The following PI4KA variants were observed in gnomAD, a reference collection of about 807,000 sequenced individuals.
The protein encoded by PI4KA is phosphatidylinositol 4-kinase alpha.
A neutral mutation model predicts 271.4 loss-of-function variants in PI4KA; 122 were observed. The ratio of observed to expected loss-of-function variants is 0.45; its 90% confidence interval spans 0.39 to 0.52. The LOEUF is 0.52. PI4KA is among the 20% of genes least tolerant of loss of function. PI4KA has a pLI of 0.00. For missense variants in PI4KA, 1,969 were observed against 2,769.1 expected (o/e 0.71, Z 6.48); for synonymous variants, 1,041 against 1,078.8 (o/e 0.96, Z 0.69).
At chr22:20,831,552 A>G (rs1924163192) in intron 3 of PI4KA, among the ~76,000 whole-genome samples, 3 of 152,122 alleles carry the variant, frequency 2.0e-5, no homozygotes, top group Non-Finnish European at 2.9e-5. Context: ...TGAGTGATGG[A>G]GTGAGACTCT....
intron 29 of PI4KA, among the ~76,000 whole-genome samples, chr22:20,746,263 C>G (rs139544534): frequency 4.0e-5 from 6 of 151,788 alleles, no homozygotes; most frequent in Non-Finnish European, 7.4e-5. Flanking sequence ...GGGGTTTCAC[C>G]GTGTTGGCCA....
chr22:20,838,502 G>A, intron 2 of PI4KA, 113 bp downstream of exon 2: 1 of 693,388 alleles, frequency 1.4e-6, no homozygotes, highest in Admixed American at 2.4e-5. Flanking sequence ...CTTTGATTAG[G>A]TTCAAATGTA....
chr22:20,803,129 G>A lies in PI4KA; in HGVS notation c.1591+62C>T. 5.1e-6 allele frequency: 8 copies of A among 1,566,420 alleles called. No homozygotes were observed. The South Asian group carries it at 5.6e-5, about 11-fold the overall frequency. ...AGGTACAGTCATGAAACCTGTGTGA[G>A]GCTCACACACAGTCACAGAGCCCCT... On this transcript the variant is annotated intron_variant, in intron 13 of 54. Transcript: ENST00000255882.
chr22:20,827,637 G>A (rs1027113285), intron 3 of PI4KA, among the ~76,000 whole-genome samples: 2 of 152,034 alleles, frequency 1.3e-5, no homozygotes, highest in African/African-American at 2.4e-5. Context: ...AAATTGCTCT[G>A]GGTAGTATGG....
chr22:20,768,626 G>C (rs1033732144), intron 19 of PI4KA, among the ~76,000 whole-genome samples: 1 of 152,194 alleles, frequency 6.6e-6, no homozygotes, highest in Non-Finnish European at 1.5e-5. Context: ...ATCAAAGGGA[G>C]GGTGCAGGTG....
chr22:20,851,960 T>C (rs1438063454), intron 1 of PI4KA, among the ~76,000 whole-genome samples: 2 of 151,956 alleles, frequency 1.3e-5, no homozygotes, highest in Non-Finnish European at 2.9e-5. Flanking sequence ...CTGTCTCTAC[T>C]AAAAATACAA....
At chr22:20,807,299 T>TG in intron 10 of PI4KA, 63 bp downstream of exon 10, 1 of 1,003,242 alleles carries the variant, frequency 1.0e-6, no homozygotes, top group African/African-American at 1.6e-5. Flanking sequence ...ACCACTAGCA[T>TG]GCGACAGTGG....
intron 10 of PI4KA, among the ~76,000 whole-genome samples, chr22:20,805,635 AT>A (rs200700422): frequency 0.015 from 2,254 of 152,116 alleles, 21 homozygotes; most frequent in Non-Finnish European, 0.024. Flanking sequence ...GATCGAGACC[AT>A]CCTGGCTAAC....
chr22:20,804,924 C>G, intron 11 of PI4KA, 50 bp downstream of exon 11: 2 of 1,463,556 alleles, frequency 1.4e-6, no homozygotes, highest in Non-Finnish European at 1.9e-6. Flanking sequence ...GCAAGAAAGC[C>G]TCTGGGTCAT....
intron 30 of PI4KA, among the ~76,000 whole-genome samples, chr22:20,743,193 T>C (rs1929667407): frequency 2.6e-5 from 4 of 152,224 alleles, no homozygotes; most frequent in African/African-American, 9.6e-5. Flanking sequence ...ATGCTCAGGT[T>C]GGAGTGCAGT....
chr22:20,803,679 C>T (rs531264287), intron 12 of PI4KA, among the ~76,000 whole-genome samples: 1 of 152,284 alleles, frequency 6.6e-6, no homozygotes, highest in Admixed American at 6.5e-5. Context: ...CACACACCAT[C>T]ATCCCTAACT....
chr22:20,849,857 A>T (rs1028676674), intron 1 of PI4KA, among the ~76,000 whole-genome samples: 4 of 152,192 alleles, frequency 2.6e-5, no homozygotes, highest in Non-Finnish European at 5.9e-5. Context: ...CTGTCTCAAA[A>T]AAAAATAAAA....
rs1464815961 is a variant in PI4KA at position 20,721,374 on chromosome 22, G to T, written c.5040C>A (p.Ser1680=). The T allele has an allele frequency of 1.9e-6, 3 of 1,613,882 alleles. No homozygotes were observed. In the South Asian group the frequency reaches 3.3e-5, roughly 18 times the overall value. The change falls in exon 43 of 55, where the codon TCC becomes TCA. Residue 1680 remains serine, a synonymous_variant. Transcript: ENST00000255882. ...REYILWAASK[S]QLLAHQFIWN... ...AGATGAACTGGTGTGCCAGAAGCTGGGATTTAGACGCTGCCCACAGAATAT... is the reference window on the plus strand; with the variant it reads ...AGATGAACTGGTGTGCCAGAAGCTGTGATTTAGACGCTGCCCACAGAATAT...
chr22:20,792,409 A>G (rs981853612), intron 19 of PI4KA, among the ~76,000 whole-genome samples: 2 of 152,056 alleles, frequency 1.3e-5, no homozygotes, highest in African/African-American at 4.8e-5. Flanking sequence ...CACCAGGCCC[A>G]CCCCTCTGGT....
chr22:20,774,254 CTGTT>C (rs1933063107), intron 19 of PI4KA: 1 of 152,180 alleles, frequency 6.6e-6, no homozygotes, highest in South Asian at 2.1e-4. Flanking sequence ...GCTTTCTACA[CTGTT>C]TTAGAAGTGG....
At chr22:20,826,655 T>C (rs1422682928) in intron 3 of PI4KA, among the ~76,000 whole-genome samples, 2 of 152,238 alleles carry the variant, frequency 1.3e-5, no homozygotes, top group Admixed American at 6.5e-5. Flanking sequence ...TGAACTAATT[T>C]ACATTCACAC....
intron 32 of PI4KA, chr22:20,736,800 G>A (rs1928773803): frequency 6.5e-6 from 1 of 154,890 alleles, no homozygotes; most frequent in Admixed American, 6.5e-5. Flanking sequence ...GGACCTCGCT[G>A]GCATCTACAG....
At chr22:20,726,568 T>C in intron 41 of PI4KA, 27 bp from the exon 42 acceptor site, 2 of 1,575,744 alleles carry the variant, frequency 1.3e-6, no homozygotes, top group Non-Finnish European at 1.7e-6. Context: ...GAGTTGGCCA[T>C]GACTTCTGAG....
At chr22:20,831,497 G>A (rs1924153117) in intron 3 of PI4KA, among the ~76,000 whole-genome samples, 1 of 152,188 alleles carries the variant, frequency 6.6e-6, no homozygotes, top group Admixed American at 6.5e-5. Flanking sequence ...GAACCTGGGA[G>A]GCGGAGGTTG....
Sources: allele counts gnomAD v4.1 joint callset (sites outside exome capture counted in the v4.1 genomes callset), GRCh38; gene constraint gnomAD v4.1.1; transcripts MANE v1.5; gene names NCBI Gene and HGNC (gene_info 2026-07-23, HGNC 2026-07-21).